SGCZ: variants seen among roughly 807,000 people sequenced by gnomAD.
SGCZ encodes sarcoglycan zeta, also known as zeta-sarcoglycan.
Under a neutral mutation model 41.3 loss-of-function variants are expected in SGCZ, and 40 were observed. The ratio of observed to expected loss-of-function variants is 0.97; its 90% CI spans 0.75 to 1.26. SGCZ has a LOEUF of 1.26. Ranked by LOEUF, SGCZ falls within the 50% of genes most tolerant of loss-of-function variation. The pLI is 0.00. For synonymous variants in SGCZ, 206 were observed against 137.5 expected (o/e 1.50, Z -3.49); for missense variants, 552 against 369.8 (o/e 1.49, Z -4.04).
rs561786775 is a variant in SGCZ, at chr8:15,173,859, T to G, written c.39+63726A>C. Among the ~76,000 whole-genome samples, 4 of 152,146 alleles carry G rather than the reference T, an allele frequency of 2.6e-5. No homozygotes were observed. In the South Asian group the frequency reaches 8.3e-4, roughly 32 times the overall value. ...GGCTCAAGTGATCCTCCTGCCTCAG[T>G]TGGGAGCATAGGCATGCACCACCAC... On this transcript the variant is annotated intron_variant, in intron 1 of 7. Coordinates refer to ENST00000382080, the MANE Select transcript of SGCZ (RefSeq NM_139167.4).
At chr8:14,119,946 C>T (rs1369948772) in intron 5 of SGCZ, among the ~76,000 whole-genome samples, 30 of 152,088 alleles carry the variant, frequency 2.0e-4, no homozygotes, top group Admixed American at 1.9e-3. Flanking sequence ...TTTTGATGTG[C>T]TGCTAGATTC....
At chr8:14,700,581 T>C (rs1022107115) in intron 1 of SGCZ, among the ~76,000 whole-genome samples, 2 of 151,838 alleles carry the variant, frequency 1.3e-5, no homozygotes, top group African/African-American at 4.8e-5. Flanking sequence ...CCATGTAACA[T>C]ACCAGCACAT....
chr8:14,430,004 T>G (rs1363246671), intron 2 of SGCZ, among the ~76,000 whole-genome samples: 2 of 152,140 alleles, frequency 1.3e-5, no homozygotes, highest in Non-Finnish European at 2.9e-5. Flanking sequence ...AGCTGTAATA[T>G]CTCCCATTTC....
chr8:14,703,725 T>C (rs1298999419), intron 1 of SGCZ, among the ~76,000 whole-genome samples: 1 of 151,996 alleles, frequency 6.6e-6, no homozygotes, highest in African/African-American at 2.4e-5. Flanking sequence ...TTGTGTAAAA[T>C]GACTTTAGTG....
In SGCZ at chr8:14,084,887, G is replaced by A. The variant is rs1471490666; in HGVS notation, c.*5556C>T. Among the ~76,000 whole-genome samples the A allele has an allele frequency of 6.6e-6, 1 of 151,576 alleles. No individual in the cohort carries two copies. Among genetic ancestry groups the A allele is most frequent in the Admixed American group, 6.6e-5 (1 of 15,172 alleles). On this transcript the variant is annotated 3_prime_UTR_variant, in exon 8 of 8. Coordinates refer to ENST00000382080, the MANE Select transcript of SGCZ (RefSeq NM_139167.4). ...TGTTTTGACTATCACATTTAATCAT[G>A]GTTACATAGTAGCACCAAAATTAGG...
chr8:14,485,773 T>C (rs538356048), intron 2 of SGCZ, among the ~76,000 whole-genome samples: 92 of 152,030 alleles, frequency 6.1e-4, no homozygotes, highest in African/African-American at 2.0e-3. Context: ...CACTTTCCTT[T>C]CTATGACAGC....
chr8:14,698,149 A>T (rs996481495), intron 1 of SGCZ, among the ~76,000 whole-genome samples: 1 of 152,010 alleles, frequency 6.6e-6, no homozygotes, highest in Non-Finnish European at 1.5e-5. Flanking sequence ...CAAAATATAG[A>T]TGTGTTCCTT....
At chr8:14,911,748 T>A (rs1297913526) in intron 1 of SGCZ, among the ~76,000 whole-genome samples, 1 of 151,952 alleles carries the variant, frequency 6.6e-6, no homozygotes, top group Non-Finnish European at 1.5e-5. Context: ...TATGAATATA[T>A]GATTACCATT....
intron 5 of SGCZ, among the ~76,000 whole-genome samples, chr8:14,148,440 G>A (rs1357419524): frequency 1.3e-5 from 2 of 151,904 alleles, no homozygotes; most frequent in Non-Finnish European, 1.5e-5. Context: ...TAGAAGAAAT[G>A]GACAAATTTC....
chr8:14,767,275 A>G (rs1293286966), intron 1 of SGCZ, among the ~76,000 whole-genome samples: 2 of 152,218 alleles, frequency 1.3e-5, no homozygotes, highest in Non-Finnish European at 2.9e-5. Context: ...GGAAGCCCAG[A>G]GTAGGTGACT....
intron 1 of SGCZ, among the ~76,000 whole-genome samples, chr8:14,932,635 A>G (rs939443438): frequency 3.9e-5 from 6 of 152,072 alleles, no homozygotes; most frequent in African/African-American, 1.5e-4. Context: ...CAAGCAAGGC[A>G]AAACAAAAAT....
At position 14,108,073 on chromosome 8, in the gene SGCZ, T is replaced by TTTAAGTATA; in HGVS notation, c.620+89_620+90insTATACTTAA. 2.0e-3 allele frequency: 4 copies of TTTAAGTATA among 1,998 alleles called. No individual in the cohort carries two copies. In the Non-Finnish European group the frequency reaches 0.1, roughly 50 times the overall value. The allele number at this position is 1,998 out of a possible 1,614,324, so 0.1% of individuals were successfully genotyped here. ...TATTTTAAGTATATTGGGAGAAACATTTGTCTAGTTGTCTATTTTAGTTCT... is the reference window on the plus strand; with the variant it reads ...TATTTTAAGTATATTGGGAGAAACATTTAAGTATATTGTCTAGTTGTCTATTTTAGTTCT... On this transcript the variant is annotated intron_variant, in intron 6 of 7. Transcript: ENST00000382080.
intron 3 of SGCZ, among the ~76,000 whole-genome samples, chr8:14,293,845 A>G (rs1465943594): frequency 6.6e-6 from 1 of 151,896 alleles, no homozygotes; most frequent in East Asian, 1.9e-4. Flanking sequence ...TAGAAGATCA[A>G]AGTAGTAGAA....
intron 1 of SGCZ, among the ~76,000 whole-genome samples, chr8:14,739,697 G>A (rs1164912638): frequency 6.6e-6 from 1 of 151,936 alleles, no homozygotes; most frequent in Non-Finnish European, 1.5e-5. Context: ...AATCCTTAAG[G>A]ATGATAGTGA....
At chr8:14,615,885 T>A (rs1036276266) in intron 1 of SGCZ, among the ~76,000 whole-genome samples, 2 of 152,190 alleles carry the variant, frequency 1.3e-5, no homozygotes, top group Non-Finnish European at 2.9e-5. Context: ...CCTGGGCCTA[T>A]TCTCTCCTAT....
intron 1 of SGCZ, among the ~76,000 whole-genome samples, chr8:14,692,560 ATTTTC>A (rs1808832636): frequency 6.6e-6 from 1 of 152,150 alleles, no homozygotes; most frequent in South Asian, 2.1e-4. Flanking sequence ...GTCCAGGCAT[ATTTTC>A]CTCTGATCCT....
intron 1 of SGCZ, among the ~76,000 whole-genome samples, chr8:15,209,812 C>T (rs1801183944): frequency 6.6e-6 from 1 of 152,122 alleles, no homozygotes; most frequent in Admixed American, 6.6e-5. Flanking sequence ...CTAGCGTAGG[C>T]TGTACTTCTC....
rs1483021036 is a variant in SGCZ, at chr8:14,361,220, G to A, written c.235-37016C>T. On this transcript the variant is annotated intron_variant, in intron 2 of 7. Transcript: ENST00000382080. ...AAACATGTGGTTTGAGAAAATTTGAGTGTGGGCCAGCCTTGCTAGGTTGGT... is the reference window on the plus strand; with the variant it reads ...AAACATGTGGTTTGAGAAAATTTGAATGTGGGCCAGCCTTGCTAGGTTGGT... Among the ~76,000 whole-genome samples, 4 of 152,130 alleles carry A rather than the reference G, an allele frequency of 2.6e-5. No homozygotes were observed. In the East Asian group the frequency reaches 7.7e-4, roughly 29 times the overall value.
At chr8:14,662,185 G>A (rs751854390) in intron 1 of SGCZ, among the ~76,000 whole-genome samples, 7 of 151,938 alleles carry the variant, frequency 4.6e-5, no homozygotes, top group Non-Finnish European at 7.4e-5. Flanking sequence ...TTCTCCATGC[G>A]TTATTGATCT....
Sources: allele counts gnomAD v4.1 joint callset (sites outside exome capture counted in the v4.1 genomes callset), GRCh38; gene constraint gnomAD v4.1.1; transcripts MANE v1.5; gene names NCBI Gene and HGNC (gene_info 2026-07-23, HGNC 2026-07-21).